Variants in TMEM177 observed in about 807,000 individuals in gnomAD.
The protein encoded by TMEM177 is transmembrane protein 177.
Under a neutral mutation model 14.2 loss-of-function variants are expected in TMEM177, and 4 were observed. The ratio of observed to expected loss-of-function variants is 0.28; its 90% CI spans 0.14 to 0.64. The LOEUF is 0.64. Among genes scored for constraint, TMEM177 ranks in the 30% least tolerant of loss-of-function variants. TMEM177 has a pLI of 0.82. For missense variants in TMEM177, 344 were observed against 405.2 expected (o/e 0.85, Z 1.30); for synonymous variants, 179 against 174.5 (o/e 1.03, Z -0.20).
the TMEM177 span, among the ~76,000 whole-genome samples, chr2:119,691,536 C>T: frequency 3.3e-5 from 5 of 152,242 alleles, no homozygotes; most frequent in South Asian, 6.2e-4. Flanking sequence ...GCACCCAGTA[C>T]GGTTTTATTG....
chr2:119,681,695 G>T lies in TMEM177; in HGVS notation c.842G>T (p.Arg281Ile). ...LYTPSGNIVP[R>I]HLFRIKHLPY... The stretch of plus-strand genomic sequence containing the variant: ...ACACCCAGCGGGAACATCGTCCCCA[G>T]ACACTTGTTCCGAATCAAACATTTA... Residue 281 changes from arginine (R) to isoleucine (I), a missense_variant, in exon 2 of 2, where the codon AGA becomes ATA. Transcript: ENST00000272521. 1 of 1,614,222 alleles carries T rather than the reference G, an allele frequency of 6.2e-7. No individual in the cohort carries two copies. The highest frequency in any genetic ancestry group is 8.5e-7 in the Non-Finnish European group (1 of 1,180,054).
downstream of TMEM177, among the ~76,000 whole-genome samples, chr2:119,688,359 TAAC>T (rs1234729393): frequency 6.6e-6 from 1 of 152,216 alleles, no homozygotes; most frequent in African/African-American, 2.4e-5. Context: ...ACGCATCACT[TAAC>T]GACAGGGATA....
chr2:119,697,879 A>G, the TMEM177 span, among the ~76,000 whole-genome samples: 1 of 152,230 alleles, frequency 6.6e-6, no homozygotes, highest in Non-Finnish European at 1.5e-5. Context: ...CATACAAAAT[A>G]TGAGGCTCAA....
the TMEM177 span, among the ~76,000 whole-genome samples, chr2:119,694,321 C>CA: frequency 6.6e-6 from 1 of 151,060 alleles, no homozygotes; most frequent in African/African-American, 2.4e-5. Flanking sequence ...CCACACACAC[C>CA]ACTCACCTCA....
the TMEM177 span, among the ~76,000 whole-genome samples, chr2:119,693,933 A>ACACACG: frequency 5.2e-4 from 1 of 1,922 alleles, no homozygotes; most frequent in African/African-American, 1.3e-3. Flanking sequence ...TGCCACACAC[A>ACACACG]TCACACAAGC....
chr2:119,718,313 G>A, the TMEM177 span, among the ~76,000 whole-genome samples: 3 of 152,062 alleles, frequency 2.0e-5, no homozygotes, highest in South Asian at 6.2e-4. Context: ...CCCCACTAAG[G>A]AGCACCACAC....
At chr2:119,697,416 C>A in the TMEM177 span, among the ~76,000 whole-genome samples, 1 of 152,068 alleles carries the variant, frequency 6.6e-6, no homozygotes, top group Non-Finnish European at 1.5e-5. Flanking sequence ...TAAAAATTAC[C>A]CGGGCTTGGT....
chr2:119,688,461 A>T (rs910969952), downstream of TMEM177, among the ~76,000 whole-genome samples: 2 of 152,220 alleles, frequency 1.3e-5, no homozygotes, highest in Non-Finnish European at 2.9e-5. Flanking sequence ...AGCCTCCTAC[A>T]CACCCAGGCT....
At chr2:119,713,991 C>T in the TMEM177 span, among the ~76,000 whole-genome samples, 1 of 152,230 alleles carries the variant, frequency 6.6e-6, no homozygotes, top group African/African-American at 2.4e-5. Context: ...CAGGGAACAA[C>T]AGGTAGTTCA....
At chr2:119,707,706 A>G in the TMEM177 span, among the ~76,000 whole-genome samples, 2 of 152,146 alleles carry the variant, frequency 1.3e-5, no homozygotes, top group African/African-American at 2.4e-5. Flanking sequence ...GATGAGACAA[A>G]CAAACAAAAA....
At chr2:119,682,520 T>C (rs1213885953), downstream of TMEM177, among the ~76,000 whole-genome samples, 1 of 151,902 alleles carries the variant, frequency 6.6e-6, no homozygotes. Context: ...TTAAGAGTGT[T>C]GTGTCAGTCA....
the TMEM177 span, among the ~76,000 whole-genome samples, chr2:119,702,125 T>C: frequency 6.6e-6 from 1 of 152,346 alleles, no homozygotes; most frequent in South Asian, 2.1e-4. Flanking sequence ...GCCAGGCTGG[T>C]CCCCAGGCAA....
At chr2:119,717,349 G>T in the TMEM177 span, among the ~76,000 whole-genome samples, 2 of 151,300 alleles carry the variant, frequency 1.3e-5, no homozygotes, top group Non-Finnish European at 3.0e-5. Flanking sequence ...AAAAGAAAAA[G>T]AAAAAAAAGA....
chr2:119,708,641 G>T, the TMEM177 span, among the ~76,000 whole-genome samples: 2 of 111,222 alleles, frequency 1.8e-5, no homozygotes, highest in Non-Finnish European at 3.6e-5. Flanking sequence ...ACAATCACAC[G>T]CAGACACACA....
chr2:119,702,989 T>C, the TMEM177 span, among the ~76,000 whole-genome samples: 1 of 152,176 alleles, frequency 6.6e-6, no homozygotes, highest in Non-Finnish European at 1.5e-5. Context: ...CGCTGGGCAC[T>C]GTTTCCCGCA....
the TMEM177 span, among the ~76,000 whole-genome samples, chr2:119,719,473 G>A: frequency 2.0e-5 from 3 of 152,286 alleles, no homozygotes; most frequent in Middle Eastern, 3.4e-3. Context: ...GTGCTGCCCC[G>A]GCCTCGTCAG....
downstream of TMEM177, chr2:119,686,033 C>A: frequency 3.9e-6 from 1 of 257,688 alleles, no homozygotes; most frequent in Non-Finnish European, 7.3e-6. Context: ...CTAGGAGGCA[C>A]CAGCTGAGGA....
At chr2:119,720,701 G>C in the TMEM177 span, among the ~76,000 whole-genome samples, 1 of 152,146 alleles carries the variant, frequency 6.6e-6, no homozygotes, top group Non-Finnish European at 1.5e-5. Context: ...GAGTGAAAAA[G>C]TGAAAACTCT....
Position 119,681,571 on chromosome 2 carries a change from G to A in TMEM177, c.718G>A (p.Ala240Thr). The stretch of plus-strand genomic sequence containing the variant: ...GGACCGCCGCACGGCCTCCCTCTCT[G>A]CAGCCTATGCCTGTGGTGGAGTGGA... ...WLDRRTASLS[A>T]AYACGGVEFY... is the part of the protein sequence containing the mutation. The change falls in exon 2 of 2, where the codon GCA becomes ACA. Residue 240 changes from alanine to threonine, a missense_variant. Coordinates refer to ENST00000272521, the MANE Select transcript of TMEM177 (RefSeq NM_030577.3). 1.2e-6 allele frequency: 2 copies of A among 1,614,186 alleles called. No homozygotes were observed. The highest frequency in any genetic ancestry group is 2.2e-5 in the East Asian group (1 of 44,878).
Sources: gnomAD v4.1 joint callset for allele counts (sites outside exome capture counted in the v4.1 genomes callset) on GRCh38, gnomAD v4.1.1 for gene constraint, MANE v1.5 for transcripts, NCBI Gene and HGNC (gene_info 2026-07-23, HGNC 2026-07-21) for gene names.